The following FAM110B variants were observed in gnomAD, a reference collection of about 807,000 sequenced individuals.
FAM110B encodes the protein protein FAM110B.
FAM110B carries 6 observed loss-of-function variants against 20.4 expected under a neutral mutation model. The ratio of observed to expected loss-of-function variants is 0.29; its 90% confidence interval spans 0.16 to 0.58. The LOEUF is 0.58. Among genes scored for constraint, FAM110B ranks in the 20% least tolerant of loss-of-function variants. The pLI is 0.90. For missense variants in FAM110B, 434 were observed against 498.2 expected (o/e 0.87, Z 1.23); for synonymous variants, 226 against 214.1 (o/e 1.06, Z -0.49).
At chr8:58,122,765 T>C (rs1293239343) in intron 3 of FAM110B, among the ~76,000 whole-genome samples, 1 of 152,196 alleles carries the variant, frequency 6.6e-6, no homozygotes, top group Non-Finnish European at 1.5e-5. Flanking sequence ...GCTTTTGTTC[T>C]GTTTGATTAT....
intron 1 of FAM110B, among the ~76,000 whole-genome samples, chr8:58,022,700 T>C (rs1177505327): frequency 1.3e-5 from 2 of 152,218 alleles, no homozygotes; most frequent in African/African-American, 4.8e-5. Context: ...ATATTGGCAT[T>C]GTTCTACACT....
chr8:58,132,596 T>G (rs967274036), intron 3 of FAM110B, among the ~76,000 whole-genome samples: 1 of 152,176 alleles, frequency 6.6e-6, no homozygotes, highest in African/African-American at 2.4e-5. Flanking sequence ...CTTCCCCATC[T>G]GTCAAGTGGG....
At chr8:58,091,123 T>A (rs768727069) in intron 3 of FAM110B, among the ~76,000 whole-genome samples, 1 of 152,172 alleles carries the variant, frequency 6.6e-6, no homozygotes, top group Non-Finnish European at 1.5e-5. Flanking sequence ...GTCTCTGTAG[T>A]GGGCCAAATG....
intron 2 of FAM110B, among the ~76,000 whole-genome samples, chr8:58,055,734 C>T (rs1805533119): frequency 6.6e-6 from 1 of 152,184 alleles, no homozygotes; most frequent in African/African-American, 2.4e-5. Flanking sequence ...CTTTCTTTAG[C>T]CATCCGGAGT....
intron 3 of FAM110B, among the ~76,000 whole-genome samples, chr8:58,128,575 T>A (rs1340702906): frequency 6.6e-6 from 1 of 152,022 alleles, no homozygotes; most frequent in Non-Finnish European, 1.5e-5. Flanking sequence ...AAAAAAAAAA[T>A]TAACTGTGTT....
intron 3 of FAM110B, among the ~76,000 whole-genome samples, chr8:58,144,465 A>G (rs1268085578): frequency 6.6e-6 from 1 of 152,224 alleles, no homozygotes; most frequent in African/African-American, 2.4e-5. Flanking sequence ...GAAATTGTTA[A>G]TGTAGGTATT....
At chr8:58,093,652 C>T (rs1426280463) in intron 3 of FAM110B, among the ~76,000 whole-genome samples, 2 of 150,508 alleles carry the variant, frequency 1.3e-5, no homozygotes, top group African/African-American at 4.9e-5. Flanking sequence ...TTACTGTAGC[C>T]TTGTAGTATA....
intron 2 of FAM110B, among the ~76,000 whole-genome samples, chr8:58,060,986 A>C (rs914924456): frequency 6.6e-6 from 1 of 152,140 alleles, no homozygotes; most frequent in African/African-American, 2.4e-5. Context: ...GATGAGCTGC[A>C]CCAATTAAGG....
intron 2 of FAM110B, among the ~76,000 whole-genome samples, chr8:58,054,099 G>A (rs981850016): frequency 6.6e-6 from 1 of 152,180 alleles, no homozygotes; most frequent in Non-Finnish European, 1.5e-5. Context: ...CCTTTGATTG[G>A]CCAAAACTCA....
intron 3 of FAM110B, among the ~76,000 whole-genome samples, chr8:58,122,998 T>G (rs1807400608): frequency 6.6e-6 from 1 of 152,182 alleles, no homozygotes; most frequent in East Asian, 1.9e-4. Context: ...ATCAGTTTCT[T>G]CAGAGGGAAA....
At chr8:58,042,436 A>G (rs912703634) in intron 2 of FAM110B, among the ~76,000 whole-genome samples, 1 of 152,002 alleles carries the variant, frequency 6.6e-6, no homozygotes, top group East Asian at 1.9e-4. Flanking sequence ...CTTTTACACA[A>G]CCTATCTATT....
At chr8:58,128,491 C>G (rs1807567631) in intron 3 of FAM110B, among the ~76,000 whole-genome samples, 1 of 152,094 alleles carries the variant, frequency 6.6e-6, no homozygotes, top group Non-Finnish European at 1.5e-5. Context: ...ATTTCAGTTT[C>G]AGTTAGAGAG....
At chr8:58,037,330 T>TG (rs769933902) in intron 2 of FAM110B, among the ~76,000 whole-genome samples, 3,496 of 151,094 alleles carry the variant, frequency 0.023, 152 homozygotes, top group African/African-American at 0.081. Context: ...TTTGTTTGTT[T>TG]TTTTAATTAA....
intron 1 of FAM110B, among the ~76,000 whole-genome samples, chr8:58,020,670 C>T (rs1467879483): frequency 3.3e-5 from 5 of 152,214 alleles, no homozygotes; most frequent in South Asian, 2.1e-4. Context: ...AGTATATGGG[C>T]TACATGATTT....
Position 58,028,737 on chromosome 8 carries a change from G to T in FAM110B, c.-511-2869G>T, listed in dbSNP as rs150623545. Among the ~76,000 whole-genome samples, 756 of 152,330 alleles carry T rather than the reference G, an allele frequency of 5.0e-3. 3 individuals carry two copies. Among genetic ancestry groups the T allele is most frequent in the Middle Eastern group, 0.01 (3 of 294 alleles). Reference sequence around the variant, plus strand: ...GTTTCCTGACCATGTGTGTGCATGTGTGCTTTTTTGGGCATGCGTAGAGGA... The same window carrying T: ...GTTTCCTGACCATGTGTGTGCATGTTTGCTTTTTTGGGCATGCGTAGAGGA... On this transcript the variant is annotated intron_variant, in intron 1 of 3. Transcript: ENST00000519262.
chr8:58,143,568 G>A (rs150637202), intron 3 of FAM110B, among the ~76,000 whole-genome samples: 145 of 152,356 alleles, frequency 9.5e-4, no homozygotes, highest in Middle Eastern at 3.4e-3. Flanking sequence ...TGGAGGAGCC[G>A]TCTTGAGGGT....
chr8:58,096,635 G>A (rs1409464364), intron 3 of FAM110B, among the ~76,000 whole-genome samples: 1 of 152,192 alleles, frequency 6.6e-6, no homozygotes, highest in African/African-American at 2.4e-5. Flanking sequence ...TCTTCCTAGT[G>A]TTGATGGTCC....
intron 2 of FAM110B, among the ~76,000 whole-genome samples, chr8:58,074,065 C>T (rs1437056903): frequency 9.9e-5 from 15 of 152,112 alleles, no homozygotes; most frequent in African/African-American, 3.6e-4. Flanking sequence ...CTTTTTCAAA[C>T]CCTGTAAAAT....
At chr8:58,051,614 A>G (rs1805443037) in intron 2 of FAM110B, among the ~76,000 whole-genome samples, 1 of 152,116 alleles carries the variant, frequency 6.6e-6, no homozygotes, top group Non-Finnish European at 1.5e-5. Flanking sequence ...TGCATTGTTC[A>G]GGTAAATTGT....
Sources: allele counts gnomAD v4.1 joint callset (sites outside exome capture counted in the v4.1 genomes callset), GRCh38; gene constraint gnomAD v4.1.1; transcripts MANE v1.5; gene names NCBI Gene and HGNC (gene_info 2026-07-23, HGNC 2026-07-21).